Variants in CLN8 observed in about 807,000 individuals in gnomAD.
CLN8 encodes CLN8 transmembrane ER and ERGIC protein.
Under a neutral mutation model 15.7 loss-of-function variants are expected in CLN8, and 14 were observed. The observed-to-expected ratio is 0.89, with a 90% CI of 0.59 to 1.39. CLN8 has a LOEUF of 1.39. CLN8 is among the 40% of genes most tolerant of loss of function. The pLI is 0.00. For missense variants in CLN8, 415 were observed against 364.0 expected, an observed-to-expected ratio of 1.14 and a Z score of -1.14; for synonymous variants, 188 against 151.0, an observed-to-expected ratio of 1.25 and a Z score of -1.80.
chr8:1,771,623 G>A (rs1319200441), intron 2 of CLN8, 26 bp downstream of exon 2: 1 of 1,604,476 alleles, frequency 6.2e-7, no homozygotes, highest in South Asian at 1.1e-5. Context: ...AGCAGAAGAT[G>A]ACATGTGCCT....
chr8:1,764,219 C>G (rs983142240), intron 1 of CLN8: 5 of 152,296 alleles, frequency 3.3e-5, no homozygotes, highest in African/African-American at 1.2e-4. Flanking sequence ...CGTGCGGTTC[C>G]CGGACAGCAG....
intron 1 of CLN8, among the ~76,000 whole-genome samples, chr8:1,769,359 C>T (rs1313270194): frequency 6.6e-6 from 1 of 152,134 alleles, no homozygotes; most frequent in Non-Finnish European, 1.5e-5. Context: ...GCTGAATGGC[C>T]ACAGTGAATG....
chr8:1,760,351 G>T (rs778546941), upstream of CLN8: 1 of 152,168 alleles, frequency 6.6e-6, no homozygotes, highest in African/African-American at 2.4e-5. Flanking sequence ...ACACTTGTGG[G>T]TGGCAGGGCG....
rs1470221691 is a variant in CLN8 at position 1,782,131 on chromosome 8, T to C, written c.*1564T>C. The stretch of plus-strand genomic sequence containing the variant: ...TTATGGAACTCTCGGAACAGTGTTT[T>C]GTTTTTGTTTAGTTTTTGTTTTCGT... On this transcript the variant is annotated 3_prime_UTR_variant, in exon 3 of 3. Coordinates refer to ENST00000331222, the MANE Select transcript of CLN8 (RefSeq NM_018941.4). 6.6e-6 allele frequency: 1 copy of C among 152,218 alleles called. No individual in the cohort carries two copies. The highest frequency in any genetic ancestry group is 1.5e-5 in the Non-Finnish European group (1 of 68,050). 9.4% of individuals were successfully genotyped at this position (152,218 alleles called of 1,614,324 possible).
chr8:1,760,629 C>G (rs1319553528), upstream of CLN8, among the ~76,000 whole-genome samples: 1 of 152,170 alleles, frequency 6.6e-6, no homozygotes, highest in Non-Finnish European at 1.5e-5. Flanking sequence ...ATGGTTCCAT[C>G]TTTCTAAGCC....
rs763671368 is a variant in CLN8 at position 1,771,267 on chromosome 8, A to G, written c.213A>G (p.Ala71=). ...KVFWDLAATR[A]VFGVQSTAAG... is the part of the protein sequence containing the mutation. Reference sequence around the variant, plus strand: ...TCTGGGACCTGGCGGCCACGCGTGCAGTCTTTGGTGTTCAGAGCACAGCCG... The same window carrying G: ...TCTGGGACCTGGCGGCCACGCGTGCGGTCTTTGGTGTTCAGAGCACAGCCG... The change falls in exon 2 of 3, where the codon GCA becomes GCG. Residue 71 remains alanine (A), a synonymous_variant. Coordinates refer to ENST00000331222, the MANE Select transcript of CLN8 (RefSeq NM_018941.4). 3 of 1,613,834 alleles carry G rather than the reference A, an allele frequency of 1.9e-6. No individual in the cohort carries two copies. The highest frequency in any genetic ancestry group is 2.5e-6 in the Non-Finnish European group (3 of 1,179,756).
At chr8:1,761,888 T>G (rs1800805806), upstream of CLN8, 3 of 152,170 alleles carry the variant, frequency 2.0e-5, no homozygotes, top group Admixed American at 2.0e-4. Context: ...CAGGAGCAAT[T>G]TAGGGAGGGT....
chr8:1,779,975 T>C, intron 2 of CLN8: 1 of 985,426 alleles, frequency 1.0e-6, no homozygotes, highest in Non-Finnish European at 1.2e-6. Flanking sequence ...GAATTTATCA[T>C]AGCTTTAGGG....
At position 1,776,887 on chromosome 8, in the gene CLN8, G is replaced by A. The variant is rs146972209; in HGVS notation, c.544-3363G>A. On this transcript the variant is annotated intron_variant, in intron 2 of 2. Coordinates refer to ENST00000331222, the MANE Select transcript of CLN8 (RefSeq NM_018941.4). Reference sequence around the variant, plus strand: ...TGGAAAGGGCTTGTGAGCTGAGTTTGTCCACGCAGCAGAAGGGTGGGCAGC... The same window carrying A: ...TGGAAAGGGCTTGTGAGCTGAGTTTATCCACGCAGCAGAAGGGTGGGCAGC... Among the ~76,000 whole-genome samples, 8 of 152,288 alleles carry A rather than the reference G, an allele frequency of 5.3e-5. No homozygotes were observed. The South Asian group carries it at 1.7e-3, about 32-fold the overall frequency.
At chr8:1,760,821 G>GCTC (rs2130951624), upstream of CLN8, among the ~76,000 whole-genome samples, 1 of 152,174 alleles carries the variant, frequency 6.6e-6, no homozygotes, top group African/African-American at 2.4e-5. Flanking sequence ...TACAGAGTGG[G>GCTC]GAGCCCGCGG....
At position 1,783,225 on chromosome 8, in the gene CLN8, C is replaced by T. The variant is rs1801750812; in HGVS notation, c.*2658C>T. ...GGTTGGTGTGAGCCTGGGCCCGGCC[C>T]ACTCAGCGGCCCACATTGGCCAGCA... is the stretch of plus-strand genomic sequence containing the variant. On this transcript the variant is annotated 3_prime_UTR_variant, in exon 3 of 3. Transcript: ENST00000331222. The T allele has an allele frequency of 6.6e-6, 1 of 152,336 alleles. No homozygotes were observed. The allele number at this position is 152,336 out of a possible 1,614,324, so 9.4% of individuals were successfully genotyped here. A position where few individuals can be genotyped will look rare whatever the true frequency, so the allele number is the denominator to read the frequency against.
chr8:1,763,366 C>T (rs1342016470), upstream of CLN8: 134 of 118,530 alleles, frequency 1.1e-3, 7 homozygotes, highest in African/African-American at 3.9e-3. Context: ...TCAGCGCGTC[C>T]ACCCCGCCGC....
Position 1,771,028 on chromosome 8 carries a change from G to A in CLN8, c.-27G>A, listed in dbSNP as rs780876758. The A allele has an allele frequency of 1.9e-6, 3 of 1,612,970 alleles. No individual in the cohort carries two copies. Among genetic ancestry groups the A allele is most frequent in the Non-Finnish European group, 2.5e-6 (3 of 1,179,554 alleles). ...AGGGCCCGGCCCGTGTTGGCCCCAG[G>A]ACTCCTTTGGAATATAGCTGTGGAC... On this transcript the variant is annotated 5_prime_UTR_variant, in exon 2 of 3. Transcript: ENST00000331222.
At chr8:1,778,655 C>G (rs1410450510) in intron 2 of CLN8, among the ~76,000 whole-genome samples, 2 of 152,208 alleles carry the variant, frequency 1.3e-5, no homozygotes, top group Non-Finnish European at 2.9e-5. Context: ...CTGGCGGTCT[C>G]TGAAGGCGTG....
intron 1 of CLN8, chr8:1,765,306 A>G (rs1801006372): frequency 6.6e-6 from 1 of 152,274 alleles, no homozygotes; most frequent in Non-Finnish European, 1.5e-5. Context: ...GCCGGGGAGC[A>G]GCTTGTATAC....
At position 1,780,837 on chromosome 8, in the gene CLN8, G is replaced by C. The variant is rs1801694369; in HGVS notation, c.*270G>C. 1.9e-6 allele frequency: 1 copy of C among 536,450 alleles called. No individual in the cohort carries two copies. The highest frequency in any genetic ancestry group is 1.9e-5 in the African/African-American group (1 of 52,894). 33.2% of individuals were successfully genotyped at this position (536,450 alleles called of 1,614,324 possible). A position where few individuals can be genotyped will look rare whatever the true frequency, so the allele number is the denominator to read the frequency against. On this transcript the variant is annotated 3_prime_UTR_variant, in exon 3 of 3. Coordinates refer to ENST00000331222, the MANE Select transcript of CLN8 (RefSeq NM_018941.4). Reference sequence around the variant, plus strand: ...CTAGGAGAGGAGTCCATGGTGTCCAGGCATCGGGGCGTCACACCTGTTGAG... The same window carrying C: ...CTAGGAGAGGAGTCCATGGTGTCCACGCATCGGGGCGTCACACCTGTTGAG...
chr8:1,769,998 C>A (rs1031311093), intron 1 of CLN8, among the ~76,000 whole-genome samples: 2 of 152,178 alleles, frequency 1.3e-5, no homozygotes, highest in African/African-American at 2.4e-5. Context: ...ATTCAGGCAT[C>A]GCAGGATGAA....
At chr8:1,771,747 T>A in intron 2 of CLN8, 150 bp downstream of exon 2, 1 of 744,834 alleles carries the variant, frequency 1.3e-6, no homozygotes. Flanking sequence ...TGCAATATTC[T>A]GGTTTTGTTT....
intron 1 of CLN8, chr8:1,758,390 T>G (rs1299565594): frequency 2.0e-5 from 3 of 152,174 alleles, no homozygotes; most frequent in Non-Finnish European, 2.9e-5. Context: ...AGGACTTTGA[T>G]TGATGACACA....
Sources: gnomAD v4.1 joint callset for allele counts (sites outside exome capture counted in the v4.1 genomes callset) on GRCh38, gnomAD v4.1.1 for gene constraint, MANE v1.5 for transcripts, NCBI Gene and HGNC (gene_info 2026-07-23, HGNC 2026-07-21) for gene names.